TMEM266: variants seen among roughly 807,000 people sequenced by gnomAD.
The protein encoded by TMEM266 is transmembrane protein 266, also known as Hv1 related protein 1.
In TMEM266, 33 loss-of-function variants were observed where a neutral mutation model predicts 50.5. The observed-to-expected ratio is 0.65, with a 90% confidence interval of 0.50 to 0.87. The LOEUF is 0.87. Ranked by LOEUF, TMEM266 falls within the 40% of genes least tolerant of loss-of-function variation. The probability of loss-of-function intolerance (pLI) is 0.00; values close to 1 mark genes in which losing one functional copy is unlikely to be tolerated. For synonymous variants in TMEM266, 310 were observed against 292.3 expected, an observed-to-expected ratio of 1.06 and a Z score of -0.62; for missense variants, 655 against 695.1, an observed-to-expected ratio of 0.94 and a Z score of 0.65.
rs992578398 is a variant in TMEM266 at position 76,139,236 on chromosome 15, G to A, written c.227+1341G>A. On this transcript the variant is annotated intron_variant, in intron 3 of 10. Coordinates refer to ENST00000388942, the MANE Select transcript of TMEM266 (RefSeq NM_152335.3). The surrounding 1 kb of genome is among the most constrained non-coding windows in gnomAD (Gnocchi z 4.1). ...AGCTTCCCACTTCCTGAGATAAACC[G>A]CCTAACAATGGTGAAACCACACACC... Among the ~76,000 whole-genome samples the A allele has an allele frequency of 2.0e-5, 3 of 152,228 alleles. No individual in the cohort carries two copies. Among genetic ancestry groups the A allele is most frequent in the African/African-American group, 4.8e-5 (2 of 41,454 alleles).
chr15:76,171,144 AG>A lies in TMEM266; in HGVS notation c.652+19del, dbSNP rs369973801. On this transcript the variant is annotated intron_variant, in intron 7 of 10. Coordinates refer to ENST00000388942, the MANE Select transcript of TMEM266 (RefSeq NM_152335.3). ...AGGGTCATTGATGGTGAGTGGCCCG[AG>A]GGGGGTGTGGTCAGTGGGGCTGCTC... 3.1e-6 allele frequency: 5 copies of A among 1,612,602 alleles called. No individual in the cohort carries two copies. Among genetic ancestry groups the A allele is most frequent in the Non-Finnish European group, 4.2e-6 (5 of 1,179,204 alleles).
At chr15:76,170,337 C>G (rs1170641844) in intron 6 of TMEM266, among the ~76,000 whole-genome samples, 2 of 152,174 alleles carry the variant, frequency 1.3e-5, no homozygotes, top group Non-Finnish European at 2.9e-5. Flanking sequence ...GCAAGGCGGC[C>G]AGATCTGCTG....
At chr15:76,148,634 C>A (rs985323413) in intron 3 of TMEM266, among the ~76,000 whole-genome samples, 1 of 152,158 alleles carries the variant, frequency 6.6e-6, no homozygotes, top group African/African-American at 2.4e-5. Flanking sequence ...TGTCCTTTGT[C>A]CCCCCAAGAA....
chr15:76,169,410 T>C (rs2038152025), intron 5 of TMEM266, among the ~76,000 whole-genome samples: 1 of 152,054 alleles, frequency 6.6e-6, no homozygotes, highest in South Asian at 2.1e-4. Context: ...AGAGAGCTTG[T>C]ATATTTGAAG....
At chr15:76,102,322 A>G (rs11638882) in intron 1 of TMEM266, among the ~76,000 whole-genome samples, 3,976 of 152,300 alleles carry the variant, frequency 0.026, 72 homozygotes, top group Non-Finnish European at 0.042. Flanking sequence ...AAATTTATTC[A>G]GAAGGTGAGA....
At chr15:76,127,850 G>A (rs561306184) in intron 1 of TMEM266, among the ~76,000 whole-genome samples, 4 of 152,020 alleles carry the variant, frequency 2.6e-5, no homozygotes, top group Non-Finnish European at 5.9e-5. Flanking sequence ...GAGTGTGGTC[G>A]GTGGGTCAGC....
Position 76,171,110 on chromosome 15 carries a change from A to G in TMEM266, c.631A>G (p.Arg211Gly), listed in dbSNP as rs1173613981. The G allele has an allele frequency of 6.2e-7, 1 of 1,613,554 alleles. No homozygotes were observed. The highest frequency in any genetic ancestry group is 8.5e-7 in the Non-Finnish European group (1 of 1,179,768). ...CCTCATCATCATGCTCCGGATCTGG[A>G]GGGTGAAGAGGGTCATTGATGGTGA... Residue 211 changes from arginine to glycine, a missense_variant, in exon 7 of 11, where the codon AGG becomes GGG. Transcript: ENST00000388942.
chr15:76,119,544 A>G (rs1485034130), intron 1 of TMEM266, among the ~76,000 whole-genome samples: 4 of 152,102 alleles, frequency 2.6e-5, no homozygotes, highest in Non-Finnish European at 5.9e-5. Context: ...AGGTGGGCGG[A>G]TCACTTGAGA....
intron 4 of TMEM266, among the ~76,000 whole-genome samples, 187 bp downstream of exon 4, chr15:76,156,945 C>T (rs1288304631): frequency 1.3e-5 from 2 of 152,190 alleles, no homozygotes; most frequent in Non-Finnish European, 2.9e-5. Context: ...GCTTCTCTCT[C>T]TGTCACCCCC....
chr15:76,179,344 G>A (rs908553796), intron 8 of TMEM266, among the ~76,000 whole-genome samples: 1 of 152,126 alleles, frequency 6.6e-6, no homozygotes, highest in Non-Finnish European at 1.5e-5. Context: ...CAACTAATGG[G>A]TGTGGACCCC....
chr15:76,081,345 A>G lies in TMEM266; in HGVS notation c.-97+21329A>G, dbSNP rs148664902. Among the ~76,000 whole-genome samples the G allele has an allele frequency of 1.0e-3, 154 of 152,306 alleles. 1 individual carries two copies. Among genetic ancestry groups the G allele is most frequent in the African/African-American group, 3.5e-3 (144 of 41,552 alleles). On this transcript the variant is annotated intron_variant, in intron 1 of 10. Transcript: ENST00000388942. ...AGGATAATGTGTTCTCTGCCAGAGT[A>G]ACTTCTGCATCCTCAAACTGCCTTA...
Position 76,171,046 on chromosome 15 carries a change from T to A in TMEM266, c.567T>A (p.Thr189=), listed in dbSNP as rs367593142. 3.7e-6 allele frequency: 6 copies of A among 1,613,136 alleles called. No homozygotes were observed. The African/African-American group carries it at 5.3e-5, about 14-fold the overall frequency. ...CTTTGGCTCCGATGGTGGCATCCAC[T>A]GTGGCCAATGGACCCAGGAGCCCCT... The change falls in exon 7 of 11, where the codon ACT becomes ACA. Residue 189 remains threonine, a synonymous_variant. Transcript: ENST00000388942.
intron 3 of TMEM266, 45 bp from the exon 4 acceptor site, chr15:76,156,559 C>T (rs371867244): frequency 6.2e-7 from 1 of 1,603,674 alleles, no homozygotes; most frequent in East Asian, 2.2e-5. Context: ...CCCTCTTGTC[C>T]CCTCCCACTC....
intron 1 of TMEM266, among the ~76,000 whole-genome samples, chr15:76,070,834 C>T (rs2036528584): frequency 6.6e-6 from 1 of 152,144 alleles, no homozygotes; most frequent in Admixed American, 6.5e-5. Context: ...TCTTGATATT[C>T]CTCCAAATAC....
At position 76,176,081 on chromosome 15, in the gene TMEM266, C is replaced by T. The variant is rs115020692; in HGVS notation, c.768+407C>T. 1,258 of 180,542 alleles carry T rather than the reference C, an allele frequency of 7.0e-3. 23 individuals are homozygous for T. The highest frequency in any genetic ancestry group is 0.029 in the African/African-American group (1,211 of 42,034). 11.2% of individuals were successfully genotyped at this position (180,542 alleles called of 1,614,324 possible). ...CATTGCCACGCGGGACGCCCAGGGC[C>T]CCAGAAAGATGCTAGCGGTGCTCTC... On this transcript the variant is annotated intron_variant, in intron 8 of 10. Coordinates refer to ENST00000388942, the MANE Select transcript of TMEM266 (RefSeq NM_152335.3).
intron 8 of TMEM266, among the ~76,000 whole-genome samples, chr15:76,176,900 T>G (rs2038292029): frequency 6.6e-6 from 1 of 152,296 alleles, no homozygotes; most frequent in South Asian, 2.1e-4. Context: ...ACCTCCTCTC[T>G]CATGTGTCTG....
intron 5 of TMEM266, among the ~76,000 whole-genome samples, chr15:76,163,688 G>A (rs2038050671): frequency 6.6e-6 from 1 of 152,010 alleles, no homozygotes; most frequent in African/African-American, 2.4e-5. Flanking sequence ...CCTGGCCAAG[G>A]CCAGGCCACC....
rs372641617 is a variant in TMEM266, at chr15:76,203,730, C to T, written c.1022-11C>T. 26 of 1,606,272 alleles carry T rather than the reference C, an allele frequency of 1.6e-5. No individual in the cohort carries two copies. In the African/African-American group the frequency reaches 3.2e-4, roughly 20 times the overall value. ...GTTGAAGTGTGACCAAGATCCCCTC[C>T]TACCTTGCAGACAGCGGTGTCCCAG... On this transcript the variant is annotated splice_polypyrimidine_tract_variant and intron_variant, in intron 10 of 10. Coordinates refer to ENST00000388942, the MANE Select transcript of TMEM266 (RefSeq NM_152335.3).
intron 3 of TMEM266, among the ~76,000 whole-genome samples, chr15:76,143,255 CCT>C (rs970197040): frequency 1.3e-5 from 2 of 152,190 alleles, no homozygotes; most frequent in Non-Finnish European, 2.9e-5. Context: ...GCCACCATTA[CCT>C]CTCTTTTTCT....
Sources: allele counts gnomAD v4.1 joint callset (sites outside exome capture counted in the v4.1 genomes callset), GRCh38; gene constraint gnomAD v4.1.1; non-coding constraint Gnocchi (gnomAD v3.1); transcripts MANE v1.5; gene names NCBI Gene and HGNC (gene_info 2026-07-23, HGNC 2026-07-21).